CHST12: variants seen among roughly 807,000 people sequenced by gnomAD.
CHST12 encodes the protein carbohydrate sulfotransferase 12.
Under a neutral mutation model 27.9 loss-of-function variants are expected in CHST12, and 23 were observed. That is an observed-to-expected ratio of 0.82 (90% CI 0.59 to 1.17). CHST12 has a LOEUF of 1.17. Among genes scored for constraint, CHST12 ranks in the 50% most tolerant of loss-of-function variants. The pLI, the probability that CHST12 is intolerant of heterozygous loss-of-function variation, is 0.00. For synonymous variants in CHST12, 322 were observed against 273.0 expected (o/e 1.18, Z -1.77); for missense variants, 682 against 603.0 (o/e 1.13, Z -1.37).
In CHST12 at chr7:2,420,785, A is replaced by G. The variant is rs75538474; in HGVS notation, c.-77-11778A>G. On this transcript the variant is annotated intron_variant, in intron 1 of 1. Transcript: ENST00000618655. ...GGACAACACAGTGAGACCCTGTCTC[A>G]GGAAAAGAACAACAACCTTGCTTTC... Among the ~76,000 whole-genome samples the G allele has an allele frequency of 1.5e-3, 232 of 152,324 alleles. 4 individuals carry two copies. The South Asian group carries it at 0.031, about 21-fold the overall frequency.
intron 1 of CHST12, among the ~76,000 whole-genome samples, chr7:2,412,282 T>C (rs1781687271): frequency 6.6e-6 from 1 of 152,174 alleles, no homozygotes; most frequent in Non-Finnish European, 1.5e-5. Flanking sequence ...TGTCTCACGA[T>C]GGAGGTTTTA....
intron 1 of CHST12, among the ~76,000 whole-genome samples, chr7:2,415,685 T>G (rs995639014): frequency 1.3e-5 from 2 of 151,426 alleles, no homozygotes; most frequent in Non-Finnish European, 2.9e-5. Flanking sequence ...CGATCTTGGC[T>G]CACTGCAAGC....
Position 2,422,735 on chromosome 7 carries a change from C to T in CHST12, c.-77-9828C>T, listed in dbSNP as rs183840285. 2.4e-3 allele frequency among the ~76,000 whole-genome samples: 363 copies of T among 151,874 alleles called. 1 individual carries two copies. Among genetic ancestry groups the T allele is most frequent in the Admixed American group, 3.9e-3 (59 of 15,230 alleles). On this transcript the variant is annotated intron_variant, in intron 1 of 1. Coordinates refer to ENST00000618655, the MANE Select transcript of CHST12 (RefSeq NM_018641.5). ...ATTTTTAGTAGAGACAGGGTTTCAC[C>T]GTGTTGGCCAGACTGGTCTCGATCT... is the stretch of plus-strand genomic sequence containing the variant.
chr7:2,414,733 C>T (rs934438990), intron 1 of CHST12, among the ~76,000 whole-genome samples: 1 of 152,086 alleles, frequency 6.6e-6, no homozygotes, highest in Non-Finnish European at 1.5e-5. Context: ...TTCCTGTTTT[C>T]CTCTGAATAT....
chr7:2,419,054 T>C (rs957574373), intron 1 of CHST12, among the ~76,000 whole-genome samples: 1 of 152,230 alleles, frequency 6.6e-6, no homozygotes, highest in Non-Finnish European at 1.5e-5. Context: ...TGCCTTGGCT[T>C]CCCAAATTGC....
intron 1 of CHST12, among the ~76,000 whole-genome samples, chr7:2,422,682 C>G (rs186699740): frequency 3.3e-5 from 5 of 151,972 alleles, no homozygotes; most frequent in Non-Finnish European, 7.4e-5. Flanking sequence ...ACTACAGGCA[C>G]ACACCACCAC....
Position 2,434,129 on chromosome 7 carries a change from C to T in CHST12, c.*245C>T, listed in dbSNP as rs549515447. On this transcript the variant is annotated 3_prime_UTR_variant, in exon 2 of 2. Coordinates refer to ENST00000618655, the MANE Select transcript of CHST12 (RefSeq NM_018641.5). ...GCCCGCCCACCCGCCCGCCCGCTCG[C>T]CCGCTCGCCCGCTCCTGTGGTTTTT... 7 of 346,474 alleles carry T rather than the reference C, an allele frequency of 2.0e-5. No homozygotes were observed. The East Asian group carries it at 2.2e-4, about 11-fold the overall frequency. 21.5% of individuals were successfully genotyped at this position (346,474 alleles called of 1,614,324 possible). A position where few individuals can be genotyped will look rare whatever the true frequency, so the allele number is the denominator to read the frequency against.
intron 1 of CHST12, among the ~76,000 whole-genome samples, chr7:2,420,306 T>C (rs1781936674): frequency 6.6e-6 from 1 of 152,146 alleles, no homozygotes; most frequent in Admixed American, 6.6e-5. Context: ...CTTATTTCAC[T>C]GAGCATAATG....
At chr7:2,430,936 A>G (rs1782255883) in intron 1 of CHST12, among the ~76,000 whole-genome samples, 1 of 152,212 alleles carries the variant, frequency 6.6e-6, no homozygotes, top group Admixed American at 6.5e-5. Flanking sequence ...ACCATGGTGA[A>G]TGTTTTGTGG....
chr7:2,432,571 C>A lies in CHST12; in HGVS notation c.-69C>A, dbSNP rs1782301001. Reference sequence around the variant, plus strand: ...TGTCATTGCATCTGCAGGTTCCCAGCAGGATGCCCCGGCTCTGCAGGAAGC... The same window carrying A: ...TGTCATTGCATCTGCAGGTTCCCAGAAGGATGCCCCGGCTCTGCAGGAAGC... On this transcript the variant is annotated 5_prime_UTR_variant, in exon 2 of 2. Transcript: ENST00000618655. 2 of 1,511,810 alleles carry A rather than the reference C, an allele frequency of 1.3e-6. No individual in the cohort carries two copies. Among genetic ancestry groups the A allele is most frequent in the East Asian group, 4.6e-5 (2 of 43,434 alleles). 93.6% of individuals were successfully genotyped at this position (1,511,810 alleles called of 1,614,324 possible). A position where few individuals can be genotyped will look rare whatever the true frequency, so the allele number is the denominator to read the frequency against.
chr7:2,412,643 A>G (rs1017735699), intron 1 of CHST12, among the ~76,000 whole-genome samples: 4 of 152,218 alleles, frequency 2.6e-5, no homozygotes, highest in African/African-American at 7.2e-5. Flanking sequence ...AATTCTGCCT[A>G]AACATATACT....
chr7:2,438,895 T>C lies in CHST12; in HGVS notation c.*5011T>C, dbSNP rs1244086469. On this transcript the variant is annotated 3_prime_UTR_variant, in exon 2 of 2. Transcript: ENST00000618655. ...CCTGGACCCCTGAGACCCAGTGCTC[T>C]TAGCTGTGAGCCTCTGGGAAGAGGT... 1 of 152,276 alleles carries C rather than the reference T, an allele frequency of 6.6e-6. No homozygotes were observed. Among genetic ancestry groups the C allele is most frequent in the African/African-American group, 2.4e-5 (1 of 41,454 alleles). The allele number at this position is 152,276 out of a possible 1,614,324, so 9.4% of individuals were successfully genotyped here.
rs544228651 is a variant in CHST12, at chr7:2,434,103, C to T, written c.*219C>T. The T allele has an allele frequency of 1.0e-4, 41 of 405,616 alleles. No individual in the cohort carries two copies. The highest frequency in any genetic ancestry group is 6.2e-4 in the African/African-American group (27 of 43,322). 25.1% of individuals were successfully genotyped at this position (405,616 alleles called of 1,614,324 possible). On this transcript the variant is annotated 3_prime_UTR_variant, in exon 2 of 2. Coordinates refer to ENST00000618655, the MANE Select transcript of CHST12 (RefSeq NM_018641.5). ...GGAGTAAAATATCCCCTCTCCCCTCCGCCCGCCCACCCGCCCGCCCGCTCG... is the reference window on the plus strand; with the variant it reads ...GGAGTAAAATATCCCCTCTCCCCTCTGCCCGCCCACCCGCCCGCCCGCTCG...
At position 2,433,927 on chromosome 7, in the gene CHST12, C is replaced by T. The variant is rs374203000; in HGVS notation, c.*43C>T. Reference sequence around the variant, plus strand: ...TTTCTCGCGTGCCTGGAACCTGACGCACGCGCACTCCAGTTTTTTTATGAC... The same window carrying T: ...TTTCTCGCGTGCCTGGAACCTGACGTACGCGCACTCCAGTTTTTTTATGAC... On this transcript the variant is annotated 3_prime_UTR_variant, in exon 2 of 2. Transcript: ENST00000618655. This position sits in a 1 kb window ranked among gnomAD's most constrained non-coding sequence, Gnocchi z 6.1. The T allele has an allele frequency of 9.9e-6, 15 of 1,512,810 alleles. No individual in the cohort carries two copies. The African/African-American group carries it at 1.7e-4, about 17-fold the overall frequency. The allele number at this position is 1,512,810 out of a possible 1,614,324, so 93.7% of individuals were successfully genotyped here.
intron 1 of CHST12, among the ~76,000 whole-genome samples, chr7:2,412,819 G>T (rs1367935316): frequency 6.6e-6 from 1 of 151,936 alleles, no homozygotes; most frequent in Non-Finnish European, 1.5e-5. Context: ...AGTAATATGT[G>T]CAAAGCCCTT....
chr7:2,421,900 A>G (rs1186143244), intron 1 of CHST12, among the ~76,000 whole-genome samples: 4 of 152,140 alleles, frequency 2.6e-5, no homozygotes, highest in Non-Finnish European at 5.9e-5. Flanking sequence ...TTATAATCCT[A>G]AAATATTTTC....
At position 2,446,444 on chromosome 7, in the gene CHST12, C is replaced by G. The variant is rs1365543117; in HGVS notation, c.*12560C>G. ...CCCACTGCAGCCCCAGGAAGTGGTT[C>G]CACCCCAGGCAGCCAACAAGGCGGT... On this transcript the variant is annotated 3_prime_UTR_variant, in exon 2 of 2. Coordinates refer to ENST00000618655, the MANE Select transcript of CHST12 (RefSeq NM_018641.5). 1 of 152,658 alleles carries G rather than the reference C, an allele frequency of 6.6e-6. No individual in the cohort carries two copies. The highest frequency in any genetic ancestry group is 2.4e-5 in the African/African-American group (1 of 41,442). The allele number at this position is 152,658 out of a possible 1,614,324, so 9.5% of individuals were successfully genotyped here. A position where few individuals can be genotyped will look rare whatever the true frequency, so the allele number is the denominator to read the frequency against.
At chr7:2,432,536 T>A in intron 1 of CHST12, 27 bp from the exon 2 acceptor site, 1 of 1,293,174 alleles carries the variant, frequency 7.7e-7, no homozygotes, top group Non-Finnish European at 1.1e-6. Context: ...ACCTCAGTCA[T>A]TAACTAGTGT....
Position 2,433,636 on chromosome 7 carries a change from C to A in CHST12, c.997C>A (p.Gln333Lys). ...GGTGTACCGCCTCTGCCACCCGTGC[C>A]AGATCGACTACGACTTCGTGGGGAA... ...RQVYRLCHPCQIDYDFVGKLE... is the reference protein window; with the variant it reads ...RQVYRLCHPCKIDYDFVGKLE... Residue 333 changes from glutamine (Q) to lysine (K), a missense_variant, in exon 2 of 2, where the codon CAG becomes AAG. Coordinates refer to ENST00000618655, the MANE Select transcript of CHST12 (RefSeq NM_018641.5). The surrounding 1 kb of genome is among the most constrained non-coding windows in gnomAD (Gnocchi z 6.1). 1.2e-6 allele frequency: 2 copies of A among 1,613,806 alleles called. No individual in the cohort carries two copies. Among genetic ancestry groups the A allele is most frequent in the Non-Finnish European group, 8.5e-7 (1 of 1,180,016 alleles).
Sources: gnomAD v4.1 joint callset for allele counts (sites outside exome capture counted in the v4.1 genomes callset) on GRCh38, gnomAD v4.1.1 for gene constraint, Gnocchi (gnomAD v3.1) non-coding constraint, MANE v1.5 for transcripts, NCBI Gene and HGNC (gene_info 2026-07-23, HGNC 2026-07-21) for gene names.